Variants in SLC16A12 observed in about 807,000 individuals in gnomAD.
SLC16A12 encodes monocarboxylate transporter 12.
SLC16A12 carries 17 observed loss-of-function variants against 42.4 expected under a neutral mutation model. That is an observed-to-expected ratio of 0.40 (90% CI 0.27 to 0.60). SLC16A12 has a LOEUF of 0.60. Among genes scored for constraint, SLC16A12 ranks in the 20% least tolerant of loss-of-function variants. SLC16A12 has a pLI of 0.42. For synonymous variants in SLC16A12, 224 were observed against 229.4 expected, an observed-to-expected ratio of 0.98 and a Z score of 0.21; for missense variants, 544 against 623.0, an observed-to-expected ratio of 0.87 and a Z score of 1.35.
intron 2 of SLC16A12, among the ~76,000 whole-genome samples, chr10:89,495,851 A>G (rs2133813865): frequency 6.6e-6 from 1 of 152,342 alleles, no homozygotes; most frequent in African/African-American, 2.4e-5. Context: ...CTAGCTCAAA[A>G]AAAGATCAAA....
At chr10:89,525,377 T>G (rs1385840573) in intron 2 of SLC16A12, among the ~76,000 whole-genome samples, 1 of 152,324 alleles carries the variant, frequency 6.6e-6, no homozygotes. Context: ...CATCAGTTAC[T>G]GAGCAAAACT....
chr10:89,485,673 GA>G (rs1403919737), intron 2 of SLC16A12, among the ~76,000 whole-genome samples: 1 of 152,166 alleles, frequency 6.6e-6, no homozygotes. Flanking sequence ...GGCATTTGGA[GA>G]AACGCCCATG....
chr10:89,440,013 TGCA>T (rs1589660661), intron 5 of SLC16A12, among the ~76,000 whole-genome samples: 2 of 133,008 alleles, frequency 1.5e-5, no homozygotes, highest in East Asian at 4.4e-4. Flanking sequence ...AGACAGAGGT[TGCA>T]GCTGAGATTG....
intron 2 of SLC16A12, among the ~76,000 whole-genome samples, chr10:89,520,578 G>C (rs1404265268): frequency 6.6e-6 from 1 of 152,132 alleles, no homozygotes; most frequent in Non-Finnish European, 1.5e-5. Context: ...AAAGCATCGA[G>C]TGTTTTAAAA....
upstream of SLC16A12, among the ~76,000 whole-genome samples, chr10:89,537,411 C>T (rs901778380): frequency 6.6e-6 from 1 of 152,086 alleles, no homozygotes; most frequent in African/African-American, 2.4e-5. Flanking sequence ...AGTCATCCCC[C>T]TCCTCTCAGT....
chr10:89,543,961 C>T (rs908212518), intron 2 of SLC16A12, among the ~76,000 whole-genome samples: 1 of 152,210 alleles, frequency 6.6e-6, no homozygotes, highest in Non-Finnish European at 1.5e-5. Flanking sequence ...TATTTGACGG[C>T]AGTAACTCTG....
intron 3 of SLC16A12, among the ~76,000 whole-genome samples, chr10:89,459,575 T>C (rs1842261008): frequency 6.7e-6 from 1 of 148,358 alleles, no homozygotes; most frequent in African/African-American, 2.4e-5. Context: ...GGATTATGAA[T>C]GTATGCACAG....
intron 2 of SLC16A12, among the ~76,000 whole-genome samples, chr10:89,519,901 T>G (rs1353107546): frequency 6.6e-6 from 1 of 151,774 alleles, no homozygotes; most frequent in Non-Finnish European, 1.5e-5. Context: ...GATCACAAGG[T>G]CAGGAGTTCA....
intron 2 of SLC16A12, among the ~76,000 whole-genome samples, chr10:89,501,949 A>T (rs1048120524): frequency 7.9e-5 from 12 of 152,172 alleles, no homozygotes; most frequent in African/African-American, 2.7e-4. Flanking sequence ...CATATATTTT[A>T]AAAATTCCCC....
intron 1 of SLC16A12, among the ~76,000 whole-genome samples, chr10:89,556,242 CAGA>C (rs904205719): frequency 2.0e-5 from 3 of 152,110 alleles, no homozygotes; most frequent in African/African-American, 7.2e-5. Context: ...AAATAATTTG[CAGA>C]AGATCACACA....
At chr10:89,459,951 T>C (rs1298231356) in intron 3 of SLC16A12, among the ~76,000 whole-genome samples, 1 of 152,058 alleles carries the variant, frequency 6.6e-6, no homozygotes, top group Non-Finnish European at 1.5e-5. Context: ...CAAAATAAAA[T>C]AAAATAAATG....
chr10:89,444,348 G>A (rs1841963646), intron 3 of SLC16A12, among the ~76,000 whole-genome samples: 1 of 152,012 alleles, frequency 6.6e-6, no homozygotes, highest in African/African-American at 2.4e-5. Context: ...TATATAAAAG[G>A]ATATATTCTG....
intron 2 of SLC16A12, among the ~76,000 whole-genome samples, chr10:89,503,966 G>A (rs1244567448): frequency 6.6e-6 from 1 of 152,176 alleles, no homozygotes; most frequent in Non-Finnish European, 1.5e-5. Flanking sequence ...GCACAAGGAA[G>A]ACATGTTGAG....
chr10:89,485,951 G>C (rs1842736154), intron 2 of SLC16A12, among the ~76,000 whole-genome samples: 1 of 152,142 alleles, frequency 6.6e-6, no homozygotes, highest in African/African-American at 2.4e-5. Context: ...AAGTACCTTT[G>C]GGAATATAAA....
intron 3 of SLC16A12, among the ~76,000 whole-genome samples, chr10:89,449,458 T>C (rs1842057459): frequency 6.6e-6 from 1 of 152,068 alleles, no homozygotes; most frequent in African/African-American, 2.4e-5. Context: ...ACACCACACA[T>C]CTAAGACCAT....
chr10:89,549,476 G>T (rs1043403203), intron 2 of SLC16A12, among the ~76,000 whole-genome samples: 4 of 152,170 alleles, frequency 2.6e-5, no homozygotes, highest in Non-Finnish European at 5.9e-5. Flanking sequence ...ACAACAGGGA[G>T]AACTACTTAG....
chr10:89,472,782 C>A (rs376379248), intron 2 of SLC16A12, among the ~76,000 whole-genome samples: 2 of 151,438 alleles, frequency 1.3e-5, no homozygotes, highest in South Asian at 4.2e-4. Flanking sequence ...TGTGAGCCAC[C>A]GTGCCTGGTC....
At chr10:89,456,614 C>T (rs1411236718) in intron 3 of SLC16A12, among the ~76,000 whole-genome samples, 1 of 151,902 alleles carries the variant, frequency 6.6e-6, no homozygotes, top group African/African-American at 2.4e-5. Flanking sequence ...AAACGTGTGC[C>T]ATGGTGGTTT....
chr10:89,439,074 G>T lies in SLC16A12; in HGVS notation c.558C>A (p.Gly186=). 6.2e-7 allele frequency: 1 copy of T among 1,613,350 alleles called. No homozygotes were observed. Among genetic ancestry groups the T allele is most frequent in the South Asian group, 1.1e-5 (1 of 90,926 alleles). The change falls in exon 6 of 8, where the codon GGC becomes GGA. Residue 186 remains glycine, a synonymous_variant. Transcript: ENST00000371790. ...GAACCACAGGAGCCAGGATGAAGGTGCCAATGCCACTTCCTGACATGGCGA... is the reference window on the plus strand; with the variant it reads ...GAACCACAGGAGCCAGGATGAAGGTTCCAATGCCACTTCCTGACATGGCGA... ...YGIAMSGSGI[G]TFILAPVVQL...
Sources: allele counts gnomAD v4.1 joint callset (sites outside exome capture counted in the v4.1 genomes callset), GRCh38; gene constraint gnomAD v4.1.1; transcripts MANE v1.5; gene names NCBI Gene and HGNC (gene_info 2026-07-23, HGNC 2026-07-21).